RTN4: variants seen among roughly 807,000 people sequenced by gnomAD.
RTN4 encodes the protein reticulon 4.
A neutral mutation model predicts 90.4 loss-of-function variants in RTN4; 32 were observed. The observed-to-expected ratio is 0.35, with a 90% CI of 0.27 to 0.48. The LOEUF (loss-of-function observed/expected upper bound fraction) is 0.48, where lower values mean the gene tolerates loss of function less well. RTN4 is among the 20% of genes least tolerant of loss of function. The probability of loss-of-function intolerance (pLI) is 0.99; values close to 1 mark genes in which losing one functional copy is unlikely to be tolerated. For synonymous variants in RTN4, 629 were observed against 552.5 expected (o/e 1.14, Z -1.94); for missense variants, 1,706 against 1,430.2 (o/e 1.19, Z -3.11).
In RTN4 at chr2:55,081,403, C is replaced by T. The variant is rs74259990; in HGVS notation, c.-213-764G>A. ...TCACTCTCTTTTAAGCTACTACACA[C>T]CAGAAAATTAATTCAAAACTTACTC... On this transcript the variant is annotated intron_variant, in intron 1 of 3. Transcript: ENST00000427710. Among the ~76,000 whole-genome samples, 196 of 152,106 alleles carry T rather than the reference C, an allele frequency of 1.3e-3. 1 individual carries two copies. Among genetic ancestry groups the T allele is most frequent in the East Asian group, 0.013 (66 of 5,176 alleles).
chr2:54,985,730 A>T (rs1482277760), intron 4 of RTN4, among the ~76,000 whole-genome samples: 1 of 152,214 alleles, frequency 6.6e-6, no homozygotes, highest in Non-Finnish European at 1.5e-5. Context: ...ATAATTCAGT[A>T]GGTCTCCTCT....
intron 4 of RTN4, among the ~76,000 whole-genome samples, chr2:54,985,624 A>T (rs528797494): frequency 6.6e-6 from 1 of 152,366 alleles, no homozygotes; most frequent in East Asian, 1.9e-4. Flanking sequence ...GAGCTATTCA[A>T]TAAATGTTGG....
chr2:55,079,955 G>T (rs1434090998), intron 2 of RTN4, among the ~76,000 whole-genome samples: 2 of 152,194 alleles, frequency 1.3e-5, no homozygotes, highest in Admixed American at 6.5e-5. Flanking sequence ...ATTTAAAAAT[G>T]AATGTAATAA....
chr2:55,072,800 A>C (rs1668539310), intron 2 of RTN4, among the ~76,000 whole-genome samples: 1 of 152,226 alleles, frequency 6.6e-6, no homozygotes, highest in South Asian at 2.1e-4. Flanking sequence ...AACTATAAGG[A>C]TCACAACTAT....
At position 55,011,202 on chromosome 2, in the gene RTN4, C is replaced by A. The variant is rs182001087; in HGVS notation, c.3013+13884G>T. Among the ~76,000 whole-genome samples, 11 of 151,942 alleles carry A rather than the reference C, an allele frequency of 7.2e-5. No homozygotes were observed. In the East Asian group the frequency reaches 2.1e-3, roughly 29 times the overall value. ...GCCCAGTTAATTTTTTATTTTTACA[C>A]TTTTTTTAGAGATGAGGTCTCCCTG... is the stretch of plus-strand genomic sequence containing the variant. On this transcript the variant is annotated intron_variant, in intron 3 of 8. Coordinates refer to ENST00000337526, the MANE Select transcript of RTN4 (RefSeq NM_020532.5).
At chr2:55,024,866 C>T (rs1259712080) in intron 3 of RTN4, among the ~76,000 whole-genome samples, 1 of 152,032 alleles carries the variant, frequency 6.6e-6, no homozygotes, top group Non-Finnish European at 1.5e-5. Flanking sequence ...TTCCATAGTG[C>T]AATATAAAAG....
rs909975563 is a variant in RTN4 at position 55,049,882 on chromosome 2, G to A, written c.419C>T (p.Pro140Leu). The A allele has an allele frequency of 4.5e-6, 6 of 1,319,672 alleles. No individual in the cohort carries two copies. Among genetic ancestry groups the A allele is most frequent in the Non-Finnish European group, 4.8e-6 (5 of 1,038,476 alleles). The allele number at this position is 1,319,672 out of a possible 1,614,324, so 81.7% of individuals were successfully genotyped here. A position where few individuals can be genotyped will look rare whatever the true frequency, so the allele number is the denominator to read the frequency against. Reference protein sequence around the residue: ...PSKLPEDDEPPARPPPPPPAS... With the variant: ...PSKLPEDDEPLARPPPPPPAS... ...CGGGGGAGGAGGGGGAGGCCGGGCC[G>A]GAGGCTCGTCGTCCTCAGGGAGCTT... The change falls in exon 1 of 9, where the codon CCG becomes CTG. Residue 140 changes from proline to leucine, a missense_variant. Pro to Leu is a moderately conservative substitution (Grantham distance 98). Transcript: ENST00000337526.
chr2:55,118,474 AG>A, the RTN4 span, among the ~76,000 whole-genome samples: 1 of 152,150 alleles, frequency 6.6e-6, no homozygotes, highest in Non-Finnish European at 1.5e-5. Flanking sequence ...CAAAAAAAAA[AG>A]ACACCCAGGA....
intron 1 of RTN4, among the ~76,000 whole-genome samples, chr2:55,033,742 A>C (rs1203067330): frequency 6.6e-6 from 1 of 152,188 alleles, no homozygotes; most frequent in Admixed American, 6.5e-5. Context: ...AGATGTCTTT[A>C]TTTTTTAATT....
At chr2:55,029,585 T>C (rs1682156228) in intron 1 of RTN4, among the ~76,000 whole-genome samples, 1 of 152,158 alleles carries the variant, frequency 6.6e-6, no homozygotes, top group African/African-American at 2.4e-5. Flanking sequence ...CCAAGAAATG[T>C]AGCTAACATG....
chr2:54,973,383 C>T, intron 8 of RTN4, 180 bp downstream of exon 8: 2 of 754,754 alleles, frequency 2.6e-6, no homozygotes, highest in South Asian at 3.6e-5. Flanking sequence ...GCCTTAAACA[C>T]ATAATAAACC....
chr2:55,063,233 A>T (rs576028176), intron 2 of RTN4, among the ~76,000 whole-genome samples: 1 of 152,372 alleles, frequency 6.6e-6, no homozygotes, highest in Non-Finnish European at 1.5e-5. Flanking sequence ...AAAAAATAGA[A>T]GATGGGAATA....
chr2:55,076,590 CG>C (rs1668604818), intron 2 of RTN4, among the ~76,000 whole-genome samples: 1 of 151,776 alleles, frequency 6.6e-6, no homozygotes, highest in Non-Finnish European at 1.5e-5. Context: ...AGTACAGACG[CG>C]GTTTCACCAT....
chr2:55,071,024 C>T, intron 2 of RTN4, among the ~76,000 whole-genome samples: 1 of 151,158 alleles, frequency 6.6e-6, no homozygotes, highest in Non-Finnish European at 1.5e-5. Flanking sequence ...GATCTTCCCA[C>T]CTCGGCCTCC....
chr2:54,975,792 T>G (rs190181518), intron 5 of RTN4, among the ~76,000 whole-genome samples: 311 of 152,296 alleles, frequency 2.0e-3, no homozygotes, highest in Non-Finnish European at 3.6e-3. Flanking sequence ...GGAAGACACT[T>G]TGGATGACTC....
intron 5 of RTN4, among the ~76,000 whole-genome samples, chr2:54,980,899 G>T (rs190921984): frequency 1.7e-4 from 26 of 152,226 alleles, no homozygotes; most frequent in African/African-American, 6.0e-4. Flanking sequence ...ACATGAATAG[G>T]AACTGGTTTC....
chr2:54,989,819 G>A (rs1043708963), intron 3 of RTN4, among the ~76,000 whole-genome samples: 1 of 152,116 alleles, frequency 6.6e-6, no homozygotes. Context: ...GAATGAATGC[G>A]ACCTAGAAAA....
At position 54,972,478 on chromosome 2, in the gene RTN4, G is replaced by GAAAT. The variant is rs1677135314; in HGVS notation, c.*674_*677dup. 1 of 152,546 alleles carries GAAAT rather than the reference G, an allele frequency of 6.6e-6. No individual in the cohort carries two copies. The highest frequency in any genetic ancestry group is 2.4e-5 in the African/African-American group (1 of 41,386). The allele number at this position is 152,546 out of a possible 1,614,324, so 9.4% of individuals were successfully genotyped here. On this transcript the variant is annotated 3_prime_UTR_variant, in exon 9 of 9. Coordinates refer to ENST00000337526, the MANE Select transcript of RTN4 (RefSeq NM_020532.5). Reference sequence around the variant, plus strand: ...TTGAAAACAGATGGTAGTGCTCCTAGAAATATTTCTTCTTCTAGCTTATGT... The same window carrying GAAAT: ...TTGAAAACAGATGGTAGTGCTCCTAGAAATAAATATTTCTTCTTCTAGCTTATGT...
chr2:55,123,854 A>C, the RTN4 span, among the ~76,000 whole-genome samples: 1 of 152,084 alleles, frequency 6.6e-6, no homozygotes. Context: ...TTCATTTTGC[A>C]CTGGGCCTTG....
Sources: allele counts gnomAD v4.1 joint callset (sites outside exome capture counted in the v4.1 genomes callset), GRCh38; gene constraint gnomAD v4.1.1; transcripts MANE v1.5; gene names NCBI Gene and HGNC (gene_info 2026-07-23, HGNC 2026-07-21).